The following USP7 variants were observed in gnomAD, a reference collection of about 807,000 sequenced individuals.
The protein encoded by USP7 is ubiquitin specific peptidase 7.
A neutral mutation model predicts 162.9 loss-of-function variants in USP7; 9 were observed. The ratio of observed to expected loss-of-function variants is 0.06; its 90% CI spans 0.03 to 0.10. The LOEUF is 0.10. Among genes scored for constraint, USP7 ranks in the 10% least tolerant of loss-of-function variants. The pLI, the probability that USP7 is intolerant of heterozygous loss-of-function variation, is 1.00. For synonymous variants in USP7, 562 were observed against 475.9 expected (o/e 1.18, Z -2.35); for missense variants, 715 against 1,373.7 (o/e 0.52, Z 7.58).
chr16:8,933,921 A>G (rs1898529604), intron 1 of USP7, among the ~76,000 whole-genome samples: 1 of 151,918 alleles, frequency 6.6e-6, no homozygotes, highest in African/African-American at 2.4e-5. Context: ...ACGCCCAGCT[A>G]ATTTTTTTTA....
At chr16:8,952,642 T>C (rs1455197267) in intron 1 of USP7, among the ~76,000 whole-genome samples, 2 of 152,336 alleles carry the variant, frequency 1.3e-5, no homozygotes, top group South Asian at 2.1e-4. Context: ...CTAGGGATCC[T>C]GAATTCAATA....
intron 1 of USP7, among the ~76,000 whole-genome samples, chr16:8,932,576 T>C (rs1024651494): frequency 1.3e-5 from 2 of 151,934 alleles, no homozygotes; most frequent in Admixed American, 6.6e-5. Flanking sequence ...GCTGGTTAAC[T>C]AGCTCAAATG....
intron 6 of USP7, 102 bp from the exon 7 acceptor site, chr16:8,917,258 T>C: frequency 7.3e-7 from 1 of 1,369,232 alleles, no homozygotes; most frequent in Non-Finnish European, 9.7e-7. Flanking sequence ...TCATTTCTAA[T>C]AACACAATGG....
chr16:8,940,341 A>G (rs1304392566), intron 1 of USP7, among the ~76,000 whole-genome samples: 1 of 152,248 alleles, frequency 6.6e-6, no homozygotes, highest in Non-Finnish European at 1.5e-5. Flanking sequence ...GAACACCGCC[A>G]AATGCTCTGG....
rs1188811018 is a variant in USP7, at chr16:8,892,760, T to G, written c.*1238A>C. ...GTAGAAATCTTCCTCCACTTCCACG[T>G]AACTCACTGAATTATAATTTTTATA... On this transcript the variant is annotated 3_prime_UTR_variant, in exon 31 of 31. Coordinates refer to ENST00000344836, the MANE Select transcript of USP7 (RefSeq NM_003470.3). 2 of 152,210 alleles carry G rather than the reference T, an allele frequency of 1.3e-5. No individual in the cohort carries two copies. The highest frequency in any genetic ancestry group is 2.9e-5 in the Non-Finnish European group (2 of 68,038). The allele number at this position is 152,210 out of a possible 1,614,324, so 9.4% of individuals were successfully genotyped here.
chr16:8,895,500 G>A (rs2061667551), intron 27 of USP7, 142 bp downstream of exon 27: 2 of 788,842 alleles, frequency 2.5e-6, no homozygotes, highest in Non-Finnish European at 4.2e-6. Context: ...AACACTGTAG[G>A]TCCACTCATG....
At chr16:8,898,905 T>A (rs934634861) in intron 23 of USP7, among the ~76,000 whole-genome samples, 2 of 152,188 alleles carry the variant, frequency 1.3e-5, no homozygotes, top group African/African-American at 4.8e-5. Context: ...TGAGGATGTA[T>A]CTAAAGTCAG....
chr16:8,917,940 C>G (rs1320052450), intron 6 of USP7, among the ~76,000 whole-genome samples: 1 of 152,094 alleles, frequency 6.6e-6, no homozygotes, highest in Non-Finnish European at 1.5e-5. Flanking sequence ...CAGGTGCACG[C>G]CGCCATGCCC....
At chr16:8,915,158 T>G in intron 10 of USP7, 96 bp downstream of exon 10, 1 of 1,170,704 alleles carries the variant, frequency 8.5e-7, no homozygotes, top group Admixed American at 2.4e-5. Flanking sequence ...TCTCTGTGTT[T>G]AGACTATTTA....
chr16:8,915,163 TATTTAAAAAAAC>T lies in USP7; in HGVS notation c.1078+79_1078+90del. 4 of 1,213,484 alleles carry T rather than the reference TATTTAAAAAAAC, an allele frequency of 3.3e-6. 1 individual carries two copies. The South Asian group carries it at 5.7e-5, about 17-fold the overall frequency. 75.2% of individuals were successfully genotyped at this position (1,213,484 alleles called of 1,614,324 possible). Reference sequence around the variant, plus strand: ...TCTGAGCCATTCTCTGTGTTTAGACTATTTAAAAAAACATCACTTGTGTAAATGAAACATTAA... The same window carrying T: ...TCTGAGCCATTCTCTGTGTTTAGACTATCACTTGTGTAAATGAAACATTAA... On this transcript the variant is annotated intron_variant, in intron 10 of 30. Coordinates refer to ENST00000344836, the MANE Select transcript of USP7 (RefSeq NM_003470.3).
rs920984195 is a variant in USP7, at chr16:8,894,441, GGA to G, written c.3202+107_3202+108del. The stretch of plus-strand genomic sequence containing the variant: ...CTCCTGGTTCCACAGGTCGGCCAGT[GGA>G]GAGAGAGGAGCTGGCACTTGACCCT... On this transcript the variant is annotated intron_variant, in intron 30 of 30. Transcript: ENST00000344836. The G allele has an allele frequency of 1.0e-5, 11 of 1,090,958 alleles. No homozygotes were observed. In the African/African-American group the frequency reaches 1.4e-4, roughly 14 times the overall value. 67.6% of individuals were successfully genotyped at this position (1,090,958 alleles called of 1,614,324 possible).
intron 1 of USP7, among the ~76,000 whole-genome samples, chr16:8,932,402 TTTA>T (rs565098561): frequency 1.6e-4 from 25 of 152,236 alleles, no homozygotes; most frequent in African/African-American, 5.3e-4. Context: ...CTCATCTCAA[TTTA>T]TTATTATTTT....
At chr16:8,903,537 G>A (rs2061811010) in intron 15 of USP7, 135 bp from the exon 16 acceptor site, 10 of 1,160,604 alleles carry the variant, frequency 8.6e-6, no homozygotes, top group Non-Finnish European at 1.2e-5. Flanking sequence ...GACCAATGAA[G>A]AAAAACCGCA....
intron 6 of USP7, among the ~76,000 whole-genome samples, chr16:8,917,606 T>C (rs867877867): frequency 1.3e-5 from 2 of 152,226 alleles, no homozygotes; most frequent in Non-Finnish European, 2.9e-5. Context: ...CTGAAACTCC[T>C]GACCTCAGGG....
Position 8,929,070 on chromosome 16 carries a change from G to T in USP7, c.184+1223C>A, listed in dbSNP as rs139939924. Reference sequence around the variant, plus strand: ...TAAAAAAAAAAAGAAAAAAACAGTAGGGAAATGTTGGAACAGATTGCTCTG... The same window carrying T: ...TAAAAAAAAAAAGAAAAAAACAGTATGGAAATGTTGGAACAGATTGCTCTG... On this transcript the variant is annotated intron_variant, in intron 2 of 30. Coordinates refer to ENST00000344836, the MANE Select transcript of USP7 (RefSeq NM_003470.3). Among the ~76,000 whole-genome samples the T allele has an allele frequency of 1.2e-3, 179 of 151,980 alleles. No individual in the cohort carries two copies. The East Asian group carries it at 0.026, about 22-fold the overall frequency.
intron 8 of USP7, 94 bp from the exon 9 acceptor site, chr16:8,915,619 G>GA: frequency 9.0e-7 from 1 of 1,113,934 alleles, no homozygotes; most frequent in Non-Finnish European, 1.3e-6. Context: ...AATGTTCAAA[G>GA]AAGTTGTAGA....
intron 25 of USP7, 27 bp downstream of exon 25, chr16:8,898,333 A>T (rs2061721157): frequency 6.5e-7 from 1 of 1,535,516 alleles, no homozygotes; most frequent in East Asian, 2.2e-5. Flanking sequence ...AATAAAAATT[A>T]AAATTCATAG....
At chr16:8,919,526 T>G (rs1366714251) in intron 5 of USP7, among the ~76,000 whole-genome samples, 1 of 152,086 alleles carries the variant, frequency 6.6e-6, no homozygotes, top group Non-Finnish European at 1.5e-5. Context: ...ACTCATCTTT[T>G]CTGTAGACAC....
At chr16:8,908,249 C>A in intron 12 of USP7, 92 bp downstream of exon 12, 1 of 1,029,994 alleles carries the variant, frequency 9.7e-7, no homozygotes, top group South Asian at 1.3e-5. Flanking sequence ...AGATGTGGGA[C>A]TGAAAATATA....
Sources: allele counts gnomAD v4.1 joint callset (sites outside exome capture counted in the v4.1 genomes callset), GRCh38; gene constraint gnomAD v4.1.1; transcripts MANE v1.5; gene names NCBI Gene and HGNC (gene_info 2026-07-23, HGNC 2026-07-21).